REEP6: variants seen among roughly 807,000 people sequenced by gnomAD.
The protein encoded by REEP6 is receptor expression-enhancing protein 6.
In REEP6, 19 loss-of-function variants were observed where a neutral mutation model predicts 22.4. The observed-to-expected ratio is 0.85, with a 90% CI of 0.59 to 1.25. The LOEUF (loss-of-function observed/expected upper bound fraction) is 1.25, where lower values mean the gene tolerates loss of function less well. Ranked by LOEUF, REEP6 falls within the 50% of genes most tolerant of loss-of-function variation. REEP6 has a pLI of 0.00. For synonymous variants in REEP6, 121 were observed against 113.6 expected, an observed-to-expected ratio of 1.06 and a Z score of -0.41; for missense variants, 273 against 251.9, an observed-to-expected ratio of 1.08 and a Z score of -0.57.
chr19:1,493,586 C>G (rs575413782), intron 1 of REEP6, among the ~76,000 whole-genome samples: 3 of 151,420 alleles, frequency 2.0e-5, no homozygotes, highest in African/African-American at 7.2e-5. Flanking sequence ...CCCACCCACC[C>G]CCAGTTTTGG....
Position 1,495,469 on chromosome 19 carries a change from A to C in REEP6, c.210A>C (p.Ser70=). Residue 70 remains serine, a splice_region_variant and synonymous_variant, in exon 3 of 5, where the codon TCA becomes TCC. Transcript: ENST00000233596. Reference sequence around the variant, plus strand: ...TGACCCTGCTGCACCCTCCCTGCAGAATCAAAGCTATCGAGAGCCCAAGCA... The same window carrying C: ...TGACCCTGCTGCACCCTCCCTGCAGCATCAAAGCTATCGAGAGCCCAAGCA... The part of the protein sequence containing the change: ...LIGFVYPAYA[S]IKAIESPSKD... The C allele has an allele frequency of 6.2e-7, 1 of 1,613,894 alleles. No individual in the cohort carries two copies. The highest frequency in any genetic ancestry group is 8.5e-7 in the Non-Finnish European group (1 of 1,179,972).
chr19:1,496,166 T>C, intron 3 of REEP6, 119 bp from the exon 4 acceptor site: 1 of 1,260,316 alleles, frequency 7.9e-7, no homozygotes, highest in Non-Finnish European at 1.1e-6. Flanking sequence ...AAAGGGTGTC[T>C]GATGGTGGAG....
Position 1,495,568 on chromosome 19 carries a change from T to A in REEP6, c.309T>A (p.Asp103Glu). 1 of 1,614,098 alleles carries A rather than the reference T, an allele frequency of 6.2e-7. No homozygotes were observed. Residue 103 changes from aspartate (D) to glutamate (E), a missense_variant, in exon 3 of 5, where the codon GAT becomes GAA. Coordinates refer to ENST00000233596, the MANE Select transcript of REEP6 (RefSeq NM_138393.4). ...TTGGGCTGGCCGAGTTCTTCAGCGA[T>A]CTACTCCTGTCCTGGTTCCCTTTCT... ...ALFGLAEFFS[D>E]LLLSWFPFYY...
chr19:1,494,723 C>A (rs1048754233), intron 1 of REEP6, among the ~76,000 whole-genome samples: 2 of 151,954 alleles, frequency 1.3e-5, no homozygotes, highest in Non-Finnish European at 2.9e-5. Context: ...GACGGAGCCT[C>A]ACCCAGGCTG....
rs763003060 is a variant in REEP6, at chr19:1,495,599, G to A, written c.340G>A (p.Val114Met). The A allele has an allele frequency of 2.2e-5, 36 of 1,613,890 alleles. No individual in the cohort carries two copies. The Admixed American group carries it at 2.5e-4, about 11-fold the overall frequency. ...CCTGTCCTGGTTCCCTTTCTACTAC[G>A]TGGGCAAGGTGGGCCCTGCCAGGGC... Reference protein sequence around the residue: ...LLLSWFPFYYVGKCAFLLFCM... With the variant: ...LLLSWFPFYYMGKCAFLLFCM... The change falls in exon 3 of 5, where the codon GTG (valine) becomes ATG (methionine). Residue 114 changes from valine (V) to methionine (M), a missense_variant. Transcript: ENST00000233596.
Position 1,497,206 on chromosome 19 carries a change from A to G in REEP6, c.550A>G (p.Lys184Glu), listed in dbSNP as rs781171009. ...AAGCCAGACCCCGCAGCCGAAGGAC[A>G]AGTGAAGCAGCCCCCTGAGCCTCAC... ...KPSQTPQPKD[K>E] The change falls in exon 5 of 5, where the codon AAG (lysine) becomes GAG (glutamate). Residue 184 changes from lysine (K) to glutamate (E), a missense_variant. By Grantham distance (56) the Lys-to-Glu change is moderately conservative (BLOSUM62 1). Transcript: ENST00000233596. The surrounding 1 kb of genome is among the most constrained non-coding windows in gnomAD (Gnocchi z 6.5). 4 of 1,450,790 alleles carry G rather than the reference A, an allele frequency of 2.8e-6. No homozygotes were observed. In the African/African-American group the frequency reaches 4.4e-5, roughly 16 times the overall value. 89.9% of individuals were successfully genotyped at this position (1,450,790 alleles called of 1,614,324 possible).
In REEP6 at chr19:1,495,488, C is replaced by G. The variant is rs781429331; in HGVS notation, c.229C>G (p.Pro77Ala). The G allele has an allele frequency of 1.2e-6, 2 of 1,614,018 alleles. No individual in the cohort carries two copies. Among genetic ancestry groups the G allele is most frequent in the South Asian group, 2.2e-5 (2 of 91,090 alleles). The change falls in exon 3 of 5, where the codon CCA (proline) becomes GCA (alanine). Residue 77 changes from proline to alanine, a missense_variant. Pro to Ala is a conservative substitution (Grantham distance 27). Coordinates refer to ENST00000233596, the MANE Select transcript of REEP6 (RefSeq NM_138393.4). ...CTGCAGAATCAAAGCTATCGAGAGC[C>G]CAAGCAAGGACGACGACACTGTGTG... ...AYASIKAIES[P>A]SKDDDTVWLT... is the part of the protein sequence containing the mutation.
chr19:1,497,506 G>A lies in REEP6; in HGVS notation c.*295G>A. On this transcript the variant is annotated 3_prime_UTR_variant, in exon 5 of 5. Coordinates refer to ENST00000233596, the MANE Select transcript of REEP6 (RefSeq NM_138393.4). The surrounding 1 kb of genome is among the most constrained non-coding windows in gnomAD (Gnocchi z 6.5). ...CGTCGGGCACAGGGCAGCTCCCACT[G>A]GTCTCGGCAACACACCCAGCCGCCT... 1.5e-6 allele frequency: 1 copy of A among 670,838 alleles called. No individual in the cohort carries two copies. Among genetic ancestry groups the A allele is most frequent in the South Asian group, 1.5e-5 (1 of 66,298 alleles). The allele number at this position is 670,838 out of a possible 1,614,324, so 41.6% of individuals were successfully genotyped here. A position where few individuals can be genotyped will look rare whatever the true frequency, so the allele number is the denominator to read the frequency against.
intron 1 of REEP6, among the ~76,000 whole-genome samples, chr19:1,494,110 TTCTC>T (rs1286272939): frequency 2.0e-5 from 3 of 152,060 alleles, no homozygotes; most frequent in Non-Finnish European, 4.4e-5. Flanking sequence ...CAGAAAGGCG[TTCTC>T]TCTGTTAACT....
chr19:1,491,250 A>T lies in REEP6; in HGVS notation c.-20A>T. ...GTCCGCGGGCGAGCTCGAGCAGCCA[A>T]CCCCGGGCGCGTCGGGGCCATGGAC... On this transcript the variant is annotated 5_prime_UTR_variant, in exon 1 of 5. Transcript: ENST00000233596. This position sits in a 1 kb window ranked among gnomAD's most constrained non-coding sequence, Gnocchi z 5.4. The T allele has an allele frequency of 2.1e-6, 3 of 1,453,058 alleles. No homozygotes were observed. Among genetic ancestry groups the T allele is most frequent in the Non-Finnish European group, 1.8e-6 (2 of 1,098,078 alleles). 90.0% of individuals were successfully genotyped at this position (1,453,058 alleles called of 1,614,324 possible).
At chr19:1,496,655 T>A (rs1435282546) in intron 4 of REEP6, 1 of 747,830 alleles carries the variant, frequency 1.3e-6, no homozygotes, top group Non-Finnish European at 2.4e-6. Flanking sequence ...GGCCCTCCAC[T>A]CCCCTGGAAG....
intron 4 of REEP6, among the ~76,000 whole-genome samples, chr19:1,496,955 C>G (rs748626406): frequency 6.6e-6 from 1 of 152,146 alleles, no homozygotes; most frequent in Non-Finnish European, 1.5e-5. Context: ...TGAGTGCGTG[C>G]GTGTGCATGA....
intron 3 of REEP6, 122 bp from the exon 4 acceptor site, chr19:1,496,163 G>A (rs1001647964): frequency 4.9e-6 from 6 of 1,229,126 alleles, no homozygotes; most frequent in Middle Eastern, 2.8e-4. Flanking sequence ...CCTAAAGGGT[G>A]TCTGATGGTG....
chr19:1,491,346 A>G lies in REEP6; in HGVS notation c.77A>G (p.Glu26Gly), dbSNP rs139331241. 2.0e-6 allele frequency: 3 copies of G among 1,479,214 alleles called. No individual in the cohort carries two copies. The highest frequency in any genetic ancestry group is 2.7e-6 in the Non-Finnish European group (3 of 1,116,102). The allele number at this position is 1,479,214 out of a possible 1,614,324, so 91.6% of individuals were successfully genotyped here. A position where few individuals can be genotyped will look rare whatever the true frequency, so the allele number is the denominator to read the frequency against. Residue 26 changes from glutamate (E) to glycine (G), a missense_variant, in exon 1 of 5, where the codon GAG (glutamate) becomes GGG (glycine). Physicochemically the swap from Glu to Gly is moderately conservative, Grantham distance 98. Coordinates refer to ENST00000233596, the MANE Select transcript of REEP6 (RefSeq NM_138393.4). This position sits in a 1 kb window ranked among gnomAD's most constrained non-coding sequence, Gnocchi z 5.4. ...GTCACCGAAGTGCTGGGGGCGCTGG[A>G]GGCCAAGACCGGGGTGGAGAAGCGG... ...NLVTEVLGAL[E>G]AKTGVEKRYL... is the part of the protein sequence containing the mutation.
chr19:1,496,700 CTGTGTG>C, intron 4 of REEP6: 5 of 659,148 alleles, frequency 7.6e-6, no homozygotes, highest in South Asian at 1.6e-5. Context: ...GAGATAGGAG[CTGTGTG>C]TGTGTGTGTG....
At chr19:1,496,729 CGCGT>C (rs1229320894) in intron 4 of REEP6, 8 of 653,172 alleles carry the variant, frequency 1.2e-5, no homozygotes, top group Middle Eastern at 2.5e-4. Context: ...CGCGCGCGCG[CGCGT>C]GTGTTTGAGC....
intron 1 of REEP6, among the ~76,000 whole-genome samples, chr19:1,492,847 C>T (rs917982276): frequency 1.3e-5 from 2 of 152,160 alleles, no homozygotes; most frequent in East Asian, 1.9e-4. Flanking sequence ...CCATGTGCAG[C>T]GCAGCAGGTG....
Position 1,497,709 on chromosome 19 carries a change from G to A in REEP6, c.*498G>A, listed in dbSNP as rs541407733. 8.0e-5 allele frequency: 38 copies of A among 472,560 alleles called. No individual in the cohort carries two copies. Among genetic ancestry groups the A allele is most frequent in the Non-Finnish European group, 1.5e-4 (34 of 228,466 alleles). 29.3% of individuals were successfully genotyped at this position (472,560 alleles called of 1,614,324 possible). ...GGAGGACGCAGCCCCCAAGACCAGC[G>A]GACAGCGCCAGAAGGAATCGTCGAA... On this transcript the variant is annotated 3_prime_UTR_variant, in exon 5 of 5. Coordinates refer to ENST00000233596, the MANE Select transcript of REEP6 (RefSeq NM_138393.4). The surrounding 1 kb of genome is among the most constrained non-coding windows in gnomAD (Gnocchi z 6.5).
chr19:1,493,805 A>G (rs760098982), intron 1 of REEP6, among the ~76,000 whole-genome samples: 1 of 151,846 alleles, frequency 6.6e-6, no homozygotes, highest in Non-Finnish European at 1.5e-5. Flanking sequence ...ATGTGCAGAA[A>G]GGCTGATGGC....
Sources: allele counts gnomAD v4.1 joint callset (sites outside exome capture counted in the v4.1 genomes callset), GRCh38; gene constraint gnomAD v4.1.1; non-coding constraint Gnocchi (gnomAD v3.1); transcripts MANE v1.5; gene names NCBI Gene and HGNC (gene_info 2026-07-23, HGNC 2026-07-21).